AFF4: variants seen among roughly 807,000 people sequenced by gnomAD.
AFF4 encodes ALF transcription elongation factor 4, also known as AF4/FMR2 family member 4.
In AFF4, 13 loss-of-function variants were observed where a neutral mutation model predicts 124.8. That is an observed-to-expected ratio of 0.10 (90% CI 0.07 to 0.17). AFF4 has a LOEUF of 0.17. Ranked by LOEUF, AFF4 falls within the 10% of genes least tolerant of loss-of-function variation. AFF4 has a pLI of 1.00. For synonymous variants in AFF4, 477 were observed against 496.1 expected (o/e 0.96, Z 0.51); for missense variants, 1,092 against 1,403.8 (o/e 0.78, Z 3.55).
chr5:132,937,870 T>G (rs1464545834), intron 1 of AFF4: 1 of 152,220 alleles, frequency 6.6e-6, no homozygotes, highest in African/African-American at 2.4e-5. Context: ...AAACTTGTAT[T>G]GAAAAAGGAA....
In AFF4 at chr5:132,883,636, T is replaced by C. The variant is rs1165754194; in HGVS notation, c.3144-76A>G. ...AAAATCAAGTACTACTAGCTCTTTC[T>C]ACATGAAAGCATTTAAAATGTAAAG... On this transcript the variant is annotated intron_variant, in intron 19 of 20. Transcript: ENST00000265343. 3 of 1,277,394 alleles carry C rather than the reference T, an allele frequency of 2.3e-6. No individual in the cohort carries two copies. The African/African-American group carries it at 4.5e-5, about 19-fold the overall frequency. The allele number at this position is 1,277,394 out of a possible 1,614,324, so 79.1% of individuals were successfully genotyped here.
At chr5:132,882,037 A>G (rs1026324666) in intron 20 of AFF4, among the ~76,000 whole-genome samples, 1 of 151,758 alleles carries the variant, frequency 6.6e-6, no homozygotes, top group African/African-American at 2.4e-5. Flanking sequence ...ACATAATGAG[A>G]CCTTATCTCT....
intron 1 of AFF4, among the ~76,000 whole-genome samples, chr5:132,960,036 T>C (rs1249576790): frequency 6.6e-6 from 1 of 152,114 alleles, no homozygotes; most frequent in Non-Finnish European, 1.5e-5. Context: ...ATTACAGGCA[T>C]AAGCCACTGC....
chr5:132,891,600 ATTTC>A (rs912465807), intron 13 of AFF4, among the ~76,000 whole-genome samples: 35 of 152,166 alleles, frequency 2.3e-4, no homozygotes, highest in African/African-American at 8.2e-4. Context: ...TTAGCTAAAG[ATTTC>A]TTTTTCTATT....
At chr5:132,901,843 G>A (rs1421338575) in intron 7 of AFF4, among the ~76,000 whole-genome samples, 1 of 152,078 alleles carries the variant, frequency 6.6e-6, no homozygotes, top group African/African-American at 2.4e-5. Flanking sequence ...GGCAAACTGT[G>A]GCCCACAAGC....
At chr5:132,888,564 C>T (rs934647791) in intron 14 of AFF4, among the ~76,000 whole-genome samples, 1 of 152,166 alleles carries the variant, frequency 6.6e-6, no homozygotes, top group African/African-American at 2.4e-5. Flanking sequence ...TACTGGAAGG[C>T]AGATCATTCA....
At chr5:132,917,274 T>C (rs896279787) in intron 5 of AFF4, among the ~76,000 whole-genome samples, 1 of 152,200 alleles carries the variant, frequency 6.6e-6, no homozygotes, top group African/African-American at 2.4e-5. Flanking sequence ...GAAAATCTTA[T>C]GATCATTCCA....
rs1340864663 is a variant in AFF4 at position 132,897,026 on chromosome 5, G to A, written c.1604C>T (p.Thr535Ile). Residue 535 changes from threonine (T) to isoleucine (I), a missense_variant, in exon 11 of 21, where the codon ACC becomes ATC. Physicochemically the swap from Thr to Ile is moderately conservative, Grantham distance 89. Around this residue, in one of 11 missense-constraint regions of AFF4, gnomAD observed 174 missense variants for 205.9 expected, o/e 0.84. Coordinates refer to ENST00000265343, the MANE Select transcript of AFF4 (RefSeq NM_014423.4). Reference sequence around the variant, plus strand: ...CCCACTTTCTGATCCCTTTTGGATGGTTTTGGAGTCTCGTCCCGGAGTAGC... The same window carrying A: ...CCCACTTTCTGATCCCTTTTGGATGATTTTGGAGTCTCGTCCCGGAGTAGC... ...SSATPGRDSK[T>I]IQKGSESGRG... 6.2e-7 allele frequency: 1 copy of A among 1,614,058 alleles called. No homozygotes were observed. Among genetic ancestry groups the A allele is most frequent in the African/African-American group, 1.3e-5 (1 of 74,922 alleles).
intron 1 of AFF4, 47 bp from the exon 2 acceptor site, chr5:132,937,240 A>G (rs1365959483): frequency 6.5e-7 from 1 of 1,544,430 alleles, no homozygotes. Context: ...AAAAGGAAAA[A>G]TTAAATATTC....
intron 14 of AFF4, 93 bp from the exon 15 acceptor site, chr5:132,888,253 T>C (rs542376992): frequency 5.6e-6 from 5 of 897,472 alleles, no homozygotes; most frequent in Admixed American, 2.8e-5. Flanking sequence ...TTTTATGTCC[T>C]CAAGCAAAGA....
intron 1 of AFF4, among the ~76,000 whole-genome samples, chr5:132,957,066 T>G (rs2150114571): frequency 7.8e-6 from 1 of 127,870 alleles, no homozygotes; most frequent in Non-Finnish European, 1.6e-5. Flanking sequence ...AATGGCCAGG[T>G]GCAGTAACTC....
intron 1 of AFF4, among the ~76,000 whole-genome samples, chr5:132,938,940 T>A (rs1432840003): frequency 2.3e-4 from 3 of 13,208 alleles, no homozygotes; most frequent in Admixed American, 3.0e-3. Flanking sequence ...GAGACTCATC[T>A]CAAAAAAAAA....
chr5:132,887,643 T>C, intron 16 of AFF4, 51 bp from the exon 17 acceptor site: 2 of 1,559,248 alleles, frequency 1.3e-6, no homozygotes, highest in Non-Finnish European at 1.8e-6. Context: ...TTCACCTTGA[T>C]CTTATGATTT....
intron 14 of AFF4, 80 bp from the exon 15 acceptor site, chr5:132,888,240 A>G (rs1760165894): frequency 9.6e-7 from 1 of 1,040,356 alleles, no homozygotes. Context: ...AGTATCCCTC[A>G]GTTTTTATGT....
At chr5:132,905,566 A>G (rs1009718454) in intron 5 of AFF4, among the ~76,000 whole-genome samples, 4 of 152,250 alleles carry the variant, frequency 2.6e-5, no homozygotes, top group African/African-American at 9.6e-5. Flanking sequence ...TATATGGGAA[A>G]GAATAGTCTT....
intron 4 of AFF4, among the ~76,000 whole-genome samples, chr5:132,930,928 T>C (rs1581314703): frequency 8.4e-6 from 1 of 118,866 alleles, no homozygotes; most frequent in Non-Finnish European, 1.7e-5. Flanking sequence ...AAACCCTATC[T>C]CTACTAAAAA....
At position 132,963,293 on chromosome 5, in the gene AFF4, C is replaced by T. The variant is rs1762124043; in HGVS notation, c.-39G>A. 1 of 395,582 alleles carries T rather than the reference C, an allele frequency of 2.5e-6. No homozygotes were observed. The highest frequency in any genetic ancestry group is 4.4e-5 in the Admixed American group (1 of 22,602). The allele number at this position is 395,582 out of a possible 1,614,324, so 24.5% of individuals were successfully genotyped here. The stretch of plus-strand genomic sequence containing the variant: ...CGGCTCCGCTAGGCCCGAACCATCT[C>T]CTGGCTGCGGCAGTGGCGGCGCCGG... On this transcript the variant is annotated 5_prime_UTR_variant, in exon 1 of 21. Transcript: ENST00000265343.
intron 1 of AFF4, among the ~76,000 whole-genome samples, chr5:132,951,237 A>C (rs1761836283): frequency 6.6e-6 from 1 of 151,984 alleles, no homozygotes; most frequent in South Asian, 2.1e-4. Context: ...AAAAAAAAAA[A>C]GTCTTCATTG....
Position 132,883,488 on chromosome 5 carries a change from C to T in AFF4, c.3216G>A (p.Gly1072=), listed in dbSNP as rs145016393. 9.9e-4 allele frequency: 1,605 copies of T among 1,613,950 alleles called. 3 individuals are homozygous for T. The highest frequency in any genetic ancestry group is 1.2e-3 in the Non-Finnish European group (1,396 of 1,180,002). Residue 1072 remains glycine, a synonymous_variant, in exon 20 of 21, where the codon GGG becomes GGA. Transcript: ENST00000265343. ...AACCACTTGCAGAAGCACTACTGGC[C>T]CCAGATGAATAATTTCCTGAATTGC... The part of the protein sequence containing the change: ...SPGNSGNYSS[G]ASSASASGSS...
Sources: gnomAD v4.1 joint callset for allele counts (sites outside exome capture counted in the v4.1 genomes callset) on GRCh38, gnomAD v4.1.1 for gene constraint, gnomAD v4.1.1 regional missense constraint, MANE v1.5 for transcripts, NCBI Gene and HGNC (gene_info 2026-07-23, HGNC 2026-07-21) for gene names.